The following RBFOX1 variants were observed in gnomAD, a reference collection of about 807,000 sequenced individuals.
The protein encoded by RBFOX1 is RNA binding protein fox-1 homolog 1.
Under a neutral mutation model 57.7 loss-of-function variants are expected in RBFOX1, and 8 were observed. The observed-to-expected ratio is 0.14, with a 90% CI of 0.08 to 0.25. The LOEUF is 0.25. RBFOX1 is among the 10% of genes least tolerant of loss of function. The probability of loss-of-function intolerance (pLI) is 1.00; values close to 1 mark genes in which losing one functional copy is unlikely to be tolerated. For synonymous variants in RBFOX1, 326 were observed against 222.4 expected, an observed-to-expected ratio of 1.47 and a Z score of -4.15; for missense variants, 611 against 548.5, an observed-to-expected ratio of 1.11 and a Z score of -1.14.
chr16:6,955,192 G>T (rs1194908659), intron 3 of RBFOX1, among the ~76,000 whole-genome samples: 1 of 152,114 alleles, frequency 6.6e-6, no homozygotes, highest in Non-Finnish European at 1.5e-5. Context: ...AGTGAACTGA[G>T]ATGGCACCAC....
chr16:7,321,853 G>A (rs988753579), intron 4 of RBFOX1, among the ~76,000 whole-genome samples: 2 of 152,178 alleles, frequency 1.3e-5, no homozygotes, highest in African/African-American at 2.4e-5. Flanking sequence ...ACCTGTCAGA[G>A]GCTCTCTGTT....
intron 1 of RBFOX1, among the ~76,000 whole-genome samples, chr16:6,042,256 A>G (rs2095445163): frequency 6.6e-6 from 1 of 151,862 alleles, no homozygotes; most frequent in African/African-American, 2.4e-5. Flanking sequence ...ACACACCACC[A>G]TGCCCAGTTA....
intron 4 of RBFOX1, among the ~76,000 whole-genome samples, chr16:7,239,335 C>T (rs1203639490): frequency 1.3e-5 from 2 of 151,978 alleles, no homozygotes; most frequent in African/African-American, 4.8e-5. Context: ...CCCATGTCTA[C>T]TAAAAGTACA....
chr16:7,320,813 G>A (rs760545124), intron 4 of RBFOX1, among the ~76,000 whole-genome samples: 3 of 152,198 alleles, frequency 2.0e-5, no homozygotes, highest in Non-Finnish European at 4.4e-5. Flanking sequence ...ATATTACTTA[G>A]AGCAACCGCA....
intron 2 of RBFOX1, among the ~76,000 whole-genome samples, chr16:6,329,046 A>T (rs891408215): frequency 4.0e-5 from 6 of 151,772 alleles, no homozygotes; most frequent in African/African-American, 1.5e-4. Flanking sequence ...AATCCCCCCG[A>T]CTCTGTGTGC....
chr16:6,193,379 T>TATATAATATATATA (rs1555545337), intron 1 of RBFOX1, among the ~76,000 whole-genome samples: 6 of 63,130 alleles, frequency 9.5e-5, no homozygotes, highest in African/African-American at 2.6e-4. Flanking sequence ...TATATATACA[T>TATATAATATATATA]TATATATATA....
At chr16:6,024,787 T>C (rs1359181200) in intron 1 of RBFOX1, among the ~76,000 whole-genome samples, 3 of 152,192 alleles carry the variant, frequency 2.0e-5, no homozygotes, top group Non-Finnish European at 4.4e-5. Flanking sequence ...CCCAGCCTCA[T>C]TCACCCCTAC....
intron 3 of RBFOX1, among the ~76,000 whole-genome samples, chr16:6,771,627 A>G (rs2154212696): frequency 6.6e-6 from 1 of 152,310 alleles, no homozygotes; most frequent in African/African-American, 2.4e-5. Context: ...TCAACTGTGG[A>G]CAATTTTGCT....
At chr16:6,958,313 T>C (rs561962295) in intron 3 of RBFOX1, among the ~76,000 whole-genome samples, 1 of 152,314 alleles carries the variant, frequency 6.6e-6, no homozygotes, top group East Asian at 1.9e-4. Context: ...CTATTCAAAA[T>C]ACACATTAGA....
At chr16:6,256,568 C>T (rs991828826) in intron 1 of RBFOX1, among the ~76,000 whole-genome samples, 3 of 151,796 alleles carry the variant, frequency 2.0e-5, no homozygotes, top group Non-Finnish European at 2.9e-5. Context: ...TTTTGAAAAG[C>T]GATTAAACCG....
chr16:7,599,940 C>T (rs775471333), intron 9 of RBFOX1, among the ~76,000 whole-genome samples: 12 of 151,976 alleles, frequency 7.9e-5, no homozygotes, highest in Non-Finnish European at 1.5e-4. Flanking sequence ...TCTGGCCTAG[C>T]CTTTTCTTTT....
intron 1 of RBFOX1, among the ~76,000 whole-genome samples, chr16:6,180,706 C>T (rs2097056258): frequency 6.6e-6 from 1 of 151,908 alleles, no homozygotes; most frequent in South Asian, 2.1e-4. Context: ...GCTGGGATTA[C>T]AGGCACCCGC....
intron 1 of RBFOX1, among the ~76,000 whole-genome samples, chr16:5,424,966 C>G (rs867139265): frequency 1.9e-5 from 1 of 52,260 alleles, no homozygotes; most frequent in African/African-American, 9.1e-5. Context: ...GTTTCTTTCT[C>G]TTTCTTTCTT....
intron 1 of RBFOX1, among the ~76,000 whole-genome samples, chr16:6,178,590 C>T (rs2097033783): frequency 6.6e-6 from 1 of 152,082 alleles, no homozygotes; most frequent in Non-Finnish European, 1.5e-5. Flanking sequence ...TTTTTAAAGC[C>T]ATATAAAAGA....
At chr16:5,463,385 G>C (rs558968401) in intron 1 of RBFOX1, among the ~76,000 whole-genome samples, 1 of 152,194 alleles carries the variant, frequency 6.6e-6, no homozygotes, top group African/African-American at 2.4e-5. Context: ...TCTGTCTGCT[G>C]TTAGTTACCA....
At chr16:7,710,251 C>T in intron 15 of RBFOX1, 1 of 1,078,358 alleles carries the variant, frequency 9.3e-7, no homozygotes, top group Non-Finnish European at 1.1e-6. Flanking sequence ...ACCTAGTCCA[C>T]ATGAGGAATG....
chr16:7,066,845 G>C (rs1273258788), intron 4 of RBFOX1, among the ~76,000 whole-genome samples: 3 of 152,200 alleles, frequency 2.0e-5, no homozygotes, highest in African/African-American at 4.8e-5. Context: ...TTCCCAGCCA[G>C]TGAGTGGCAG....
At chr16:5,956,912 A>G (rs934147988) in intron 4 of RBFOX1, among the ~76,000 whole-genome samples, 15 of 150,588 alleles carry the variant, frequency 1.0e-4, no homozygotes, top group African/African-American at 3.2e-4. Context: ...CCAGCAATCC[A>G]TCTGCCTTGG....
intron 3 of RBFOX1, among the ~76,000 whole-genome samples, chr16:5,851,950 G>A (rs1162801369): frequency 6.6e-6 from 1 of 152,114 alleles, no homozygotes; most frequent in East Asian, 1.9e-4. Flanking sequence ...CGAATTAAAA[G>A]CTCCAGCCCA....
Sources: gnomAD v4.1 joint callset for allele counts (sites outside exome capture counted in the v4.1 genomes callset) on GRCh38, gnomAD v4.1.1 for gene constraint, MANE v1.5 for transcripts, NCBI Gene and HGNC (gene_info 2026-07-23, HGNC 2026-07-21) for gene names.